The following MGAT4C variants were observed in gnomAD, a reference collection of about 807,000 sequenced individuals.
The protein encoded by MGAT4C is MGAT4 family member C, also known as alpha-1,3-mannosyl-glycoprotein 4-beta-N-acetylglucosaminyltransferase C.
MGAT4C carries 19 observed loss-of-function variants against 40.1 expected under a neutral mutation model. That is an observed-to-expected ratio of 0.47 (90% CI 0.33 to 0.70). The LOEUF (loss-of-function observed/expected upper bound fraction) is 0.70, where lower values mean the gene tolerates loss of function less well. MGAT4C is among the 30% of genes least tolerant of loss of function. MGAT4C has a pLI of 0.02. For missense variants in MGAT4C, 491 were observed against 563.2 expected (o/e 0.87, Z 1.30); for synonymous variants, 181 against 187.1 (o/e 0.97, Z 0.27).
chr12:86,608,611 C>T (rs899337605), intron 2 of MGAT4C, among the ~76,000 whole-genome samples: 9 of 151,802 alleles, frequency 5.9e-5, no homozygotes, highest in East Asian at 1.9e-4. Context: ...CTTTATAATA[C>T]ATACATATTG....
chr12:86,273,621 T>C (rs1040887806), intron 4 of MGAT4C, among the ~76,000 whole-genome samples: 2 of 152,164 alleles, frequency 1.3e-5, no homozygotes, highest in African/African-American at 2.4e-5. Flanking sequence ...GGAGTCACAA[T>C]GTGGAAATTC....
At chr12:86,039,081 G>T (rs1001568050) in intron 2 of MGAT4C, among the ~76,000 whole-genome samples, 1 of 131,780 alleles carries the variant, frequency 7.6e-6, no homozygotes, top group African/African-American at 2.5e-5. Flanking sequence ...TGTCTTGTAG[G>T]GTTTCACTGT....
At chr12:86,133,585 T>C (rs1881543420) in intron 1 of MGAT4C, among the ~76,000 whole-genome samples, 1 of 152,202 alleles carries the variant, frequency 6.6e-6, no homozygotes, top group Admixed American at 6.5e-5. Flanking sequence ...ATTAAGTCAG[T>C]ATTTATTGCA....
At chr12:86,586,720 C>A (rs1452510262) in intron 2 of MGAT4C, among the ~76,000 whole-genome samples, 1 of 150,032 alleles carries the variant, frequency 6.7e-6, no homozygotes, top group African/African-American at 2.4e-5. Context: ...AGCATTTTTT[C>A]ATGTGTTGTT....
chr12:86,354,622 A>T (rs552798097), intron 3 of MGAT4C, among the ~76,000 whole-genome samples: 33 of 152,358 alleles, frequency 2.2e-4, no homozygotes, highest in African/African-American at 7.2e-4. Context: ...ATGAAATGAC[A>T]AAGGAAAGAA....
At chr12:86,246,179 CTTTTT>C (rs57004605) in intron 1 of MGAT4C, among the ~76,000 whole-genome samples, 1 of 70,122 alleles carries the variant, frequency 1.4e-5, no homozygotes, top group African/African-American at 5.7e-5. Context: ...TGTACCATTG[CTTTTT>C]TTTTTTTTTT....
intron 2 of MGAT4C, among the ~76,000 whole-genome samples, chr12:86,655,953 T>C (rs1963838732): frequency 6.6e-6 from 1 of 152,082 alleles, no homozygotes; most frequent in Non-Finnish European, 1.5e-5. Flanking sequence ...TGAGTTTGCC[T>C]GATAAGTTTA....
chr12:86,464,413 C>G (rs1957647809), intron 2 of MGAT4C, among the ~76,000 whole-genome samples: 1 of 152,104 alleles, frequency 6.6e-6, no homozygotes, highest in South Asian at 2.1e-4. Flanking sequence ...ATCAAAATCA[C>G]TGGATATGGA....
At chr12:86,533,752 T>C (rs967797665) in intron 2 of MGAT4C, among the ~76,000 whole-genome samples, 5 of 151,836 alleles carry the variant, frequency 3.3e-5, no homozygotes, top group Admixed American at 3.3e-4. Flanking sequence ...TGGACCCCCC[T>C]TTAGGCCAAG....
chr12:86,081,813 T>C (rs935006925), intron 1 of MGAT4C, among the ~76,000 whole-genome samples: 1 of 152,162 alleles, frequency 6.6e-6, no homozygotes, highest in Non-Finnish European at 1.5e-5. Context: ...ATCCCCCCGT[T>C]GTCCTAAGAT....
chr12:86,051,106 T>A (rs141661860), intron 1 of MGAT4C, among the ~76,000 whole-genome samples: 2 of 152,026 alleles, frequency 1.3e-5, no homozygotes, highest in South Asian at 4.1e-4. Flanking sequence ...ATTATACATT[T>A]GAAACATCGA....
intron 1 of MGAT4C, among the ~76,000 whole-genome samples, chr12:86,194,615 C>T (rs927911146): frequency 4.0e-5 from 6 of 149,182 alleles, no homozygotes; most frequent in Non-Finnish European, 5.9e-5. Flanking sequence ...GCACCATGCC[C>T]AACTAATTTT....
intron 4 of MGAT4C, among the ~76,000 whole-genome samples, chr12:86,329,269 C>T (rs951550613): frequency 1.3e-5 from 2 of 150,432 alleles, no homozygotes; most frequent in Non-Finnish European, 3.0e-5. Context: ...TTTGGCCGGG[C>T]GTGGTGGCTC....
At position 85,966,140 on chromosome 12, in the gene MGAT4C, C is replaced by A. The variant is rs1454721429; in HGVS notation, c.*13149G>T. 1.3e-5 allele frequency: 2 copies of A among 152,112 alleles called. No individual in the cohort carries two copies. Among genetic ancestry groups the A allele is most frequent in the African/African-American group, 4.8e-5 (2 of 41,502 alleles). 9.4% of individuals were successfully genotyped at this position (152,112 alleles called of 1,614,324 possible). On this transcript the variant is annotated 3_prime_UTR_variant, in exon 5 of 5. Coordinates refer to ENST00000611864, the MANE Select transcript of MGAT4C (RefSeq NM_001351288.2). ...ATTTTTGTACTATTAAAAATCTAAA[C>A]AATAATAACCAGATGGAGGAAAATG...
intron 2 of MGAT4C, among the ~76,000 whole-genome samples, chr12:86,538,960 T>C (rs1959124482): frequency 1.3e-5 from 2 of 152,110 alleles, no homozygotes; most frequent in African/African-American, 2.4e-5. Context: ...TCATAACTAC[T>C]GCATATGCAT....
At chr12:86,675,305 C>A (rs1180753348) in intron 2 of MGAT4C, among the ~76,000 whole-genome samples, 1 of 152,098 alleles carries the variant, frequency 6.6e-6, no homozygotes, top group East Asian at 1.9e-4. Context: ...TAAAAAGAGG[C>A]CACTACAGGG....
chr12:86,054,832 A>G (rs933401630), intron 1 of MGAT4C, among the ~76,000 whole-genome samples: 2 of 152,012 alleles, frequency 1.3e-5, no homozygotes, highest in African/African-American at 4.8e-5. Context: ...TCTCATTTGG[A>G]TGAAAATAAT....
chr12:86,534,013 T>G (rs1395031905), intron 2 of MGAT4C, among the ~76,000 whole-genome samples: 1 of 152,080 alleles, frequency 6.6e-6, no homozygotes, highest in Non-Finnish European at 1.5e-5. Flanking sequence ...TTGAGGTATT[T>G]TACTTCAAAA....
chr12:86,595,975 C>T (rs561493967), intron 2 of MGAT4C, among the ~76,000 whole-genome samples: 3 of 152,108 alleles, frequency 2.0e-5, no homozygotes, highest in Non-Finnish European at 4.4e-5. Flanking sequence ...ACCCCGTCCC[C>T]CCTTGAAAGG....
Sources: gnomAD v4.1 joint callset for allele counts (sites outside exome capture counted in the v4.1 genomes callset) on GRCh38, gnomAD v4.1.1 for gene constraint, MANE v1.5 for transcripts, NCBI Gene and HGNC (gene_info 2026-07-23, HGNC 2026-07-21) for gene names.